EDIL3: variants seen among roughly 807,000 people sequenced by gnomAD.
EDIL3 encodes EGF like and discoidin domains 3.
EDIL3 carries 37 observed loss-of-function variants against 67.4 expected under a neutral mutation model. That is an observed-to-expected ratio of 0.55 (90% CI 0.42 to 0.72). The LOEUF is 0.72. EDIL3 is among the 30% of genes least tolerant of loss of function. EDIL3 has a pLI of 0.00. For synonymous variants in EDIL3, 195 were observed against 196.3 expected (o/e 0.99, Z 0.05); for missense variants, 527 against 586.3 (o/e 0.90, Z 1.04).
chr5:84,342,315 C>A (rs887440271), intron 1 of EDIL3, among the ~76,000 whole-genome samples: 4 of 151,998 alleles, frequency 2.6e-5, no homozygotes, highest in African/African-American at 9.7e-5. Flanking sequence ...TACACATGGA[C>A]ATATTTGGTT....
At chr5:84,170,047 G>C (rs1748786728) in intron 4 of EDIL3, among the ~76,000 whole-genome samples, 2 of 152,168 alleles carry the variant, frequency 1.3e-5, no homozygotes, top group Admixed American at 1.3e-4. Flanking sequence ...TTAGTGCTTT[G>C]CACTGAGTAG....
chr5:84,083,964 T>G lies in EDIL3; in HGVS notation c.652-17358A>C, dbSNP rs1205219520. Among the ~76,000 whole-genome samples the G allele has an allele frequency of 2.6e-5, 4 of 152,318 alleles. No homozygotes were observed. The South Asian group carries it at 8.3e-4, about 32-fold the overall frequency. The stretch of plus-strand genomic sequence containing the variant: ...AATTGGATGATTCTGGTCTTCAGTA[T>G]GGTACAAGTAGGGGAAGAAGATGTG... On this transcript the variant is annotated intron_variant, in intron 6 of 10. Coordinates refer to ENST00000296591, the MANE Select transcript of EDIL3 (RefSeq NM_005711.5).
At chr5:84,358,937 A>G (rs992707521) in intron 1 of EDIL3, among the ~76,000 whole-genome samples, 2 of 152,112 alleles carry the variant, frequency 1.3e-5, no homozygotes, top group African/African-American at 4.8e-5. Context: ...GCAGTTCCAA[A>G]AAGAATTTAA....
chr5:83,988,066 C>T (rs1357280890), intron 9 of EDIL3, among the ~76,000 whole-genome samples: 2 of 151,918 alleles, frequency 1.3e-5, no homozygotes, highest in East Asian at 3.9e-4. Context: ...CTTGCCTTTT[C>T]CCATTGCAAA....
intron 6 of EDIL3, among the ~76,000 whole-genome samples, chr5:84,102,330 G>A (rs1475075490): frequency 6.6e-6 from 1 of 151,908 alleles, no homozygotes; most frequent in Non-Finnish European, 1.5e-5. Flanking sequence ...AATCAGGCAA[G>A]AGAAAAAAGT....
chr5:84,060,207 G>T, intron 9 of EDIL3, 93 bp downstream of exon 9: 1 of 1,414,462 alleles, frequency 7.1e-7, no homozygotes, highest in Non-Finnish European at 9.6e-7. Context: ...TTAAATTAGC[G>T]TGAAGGTAAC....
chr5:84,367,849 T>C (rs1175401092), intron 1 of EDIL3, among the ~76,000 whole-genome samples: 1 of 152,158 alleles, frequency 6.6e-6, no homozygotes, highest in East Asian at 1.9e-4. Flanking sequence ...TTTCTCTCCA[T>C]TACAATATAA....
At chr5:84,315,377 A>T (rs1055212547) in intron 1 of EDIL3, among the ~76,000 whole-genome samples, 3 of 152,294 alleles carry the variant, frequency 2.0e-5, no homozygotes, top group Admixed American at 6.5e-5. Flanking sequence ...GATAACCTAA[A>T]TTTTCAATCA....
chr5:84,053,344 C>T (rs1746377268), intron 9 of EDIL3, among the ~76,000 whole-genome samples: 1 of 152,244 alleles, frequency 6.6e-6, no homozygotes, highest in East Asian at 1.9e-4. Context: ...TAAATGCCCA[C>T]AAGAGAAAGC....
chr5:84,036,833 C>A (rs1246542170), intron 9 of EDIL3, among the ~76,000 whole-genome samples: 1 of 152,086 alleles, frequency 6.6e-6, no homozygotes, highest in African/African-American at 2.4e-5. Context: ...AGTAAAAGAT[C>A]AATGTTTTGG....
chr5:83,955,579 T>C (rs904637229), intron 10 of EDIL3, among the ~76,000 whole-genome samples: 5 of 151,738 alleles, frequency 3.3e-5, no homozygotes, highest in African/African-American at 1.2e-4. Context: ...TCCTGACTTG[T>C]TTTCTGCTTT....
At chr5:84,351,662 CA>C (rs1341366392) in intron 1 of EDIL3, among the ~76,000 whole-genome samples, 3 of 152,080 alleles carry the variant, frequency 2.0e-5, no homozygotes, top group Non-Finnish European at 4.4e-5. Context: ...TTATTGCCTG[CA>C]AATTTCTTCA....
At chr5:84,159,979 G>A (rs192434059) in intron 4 of EDIL3, among the ~76,000 whole-genome samples, 12 of 152,144 alleles carry the variant, frequency 7.9e-5, no homozygotes, top group Non-Finnish European at 1.5e-4. Context: ...CTCACCGCTT[G>A]TGTTGTTGGC....
At chr5:83,994,464 T>C (rs1187757870) in intron 9 of EDIL3, among the ~76,000 whole-genome samples, 1 of 152,086 alleles carries the variant, frequency 6.6e-6, no homozygotes, top group Non-Finnish European at 1.5e-5. Context: ...AATTGCTTTT[T>C]CAAAAATCTA....
At chr5:84,332,148 C>G (rs778684903) in intron 1 of EDIL3, among the ~76,000 whole-genome samples, 6 of 152,012 alleles carry the variant, frequency 3.9e-5, no homozygotes, top group Non-Finnish European at 7.4e-5. Context: ...GTGGGAGGAT[C>G]GCTTGAGGCT....
At chr5:84,067,901 A>C (rs1282115531) in intron 6 of EDIL3, among the ~76,000 whole-genome samples, 2 of 152,144 alleles carry the variant, frequency 1.3e-5, no homozygotes, top group Non-Finnish European at 2.9e-5. Context: ...TTTTCCTTGA[A>C]CAATGCTAAG....
At chr5:84,263,746 C>T (rs534105186) in intron 1 of EDIL3, among the ~76,000 whole-genome samples, 2 of 152,164 alleles carry the variant, frequency 1.3e-5, no homozygotes, top group African/African-American at 4.8e-5. Context: ...TTTAAAACAT[C>T]AGAAACCTGA....
intron 9 of EDIL3, among the ~76,000 whole-genome samples, chr5:83,989,782 T>C (rs1032958849): frequency 6.6e-6 from 1 of 152,128 alleles, no homozygotes; most frequent in Non-Finnish European, 1.5e-5. Flanking sequence ...AGATTAGAGA[T>C]GTCATTCCCT....
intron 1 of EDIL3, among the ~76,000 whole-genome samples, chr5:84,323,230 T>G (rs1446658547): frequency 6.6e-6 from 1 of 152,076 alleles, no homozygotes; most frequent in Non-Finnish European, 1.5e-5. Context: ...TATCAGTGTA[T>G]GTTTTGGGGC....
Sources: gnomAD v4.1 joint callset for allele counts (sites outside exome capture counted in the v4.1 genomes callset) on GRCh38, gnomAD v4.1.1 for gene constraint, MANE v1.5 for transcripts, NCBI Gene and HGNC (gene_info 2026-07-23, HGNC 2026-07-21) for gene names.